Variants in CLEC2D observed in about 807,000 individuals in gnomAD.
CLEC2D encodes the protein C-type lectin domain family 2 member D.
A neutral mutation model predicts 20.0 loss-of-function variants in CLEC2D; 16 were observed. The observed-to-expected ratio is 0.80, with a 90% CI of 0.54 to 1.22. CLEC2D has a LOEUF of 1.22. Ranked by LOEUF, CLEC2D falls within the 50% of genes most tolerant of loss-of-function variation. The pLI is 0.00. For synonymous variants in CLEC2D, 77 were observed against 71.1 expected (o/e 1.08, Z -0.42); for missense variants, 207 against 221.5 (o/e 0.93, Z 0.42).
chr12:9,677,467 T>C (rs1186140369), intron 1 of CLEC2D, among the ~76,000 whole-genome samples: 3 of 152,158 alleles, frequency 2.0e-5, no homozygotes, highest in Non-Finnish European at 4.4e-5. Context: ...TTTATTTACA[T>C]TGTGGTCTGA....
intron 1 of CLEC2D, among the ~76,000 whole-genome samples, chr12:9,674,519 A>G (rs1025907154): frequency 6.6e-6 from 1 of 152,258 alleles, no homozygotes; most frequent in South Asian, 2.1e-4. Context: ...GCTTCAGACC[A>G]GAGCTGTTTC....
intron 2 of CLEC2D, among the ~76,000 whole-genome samples, chr12:9,681,248 G>C (rs775771028): frequency 6.6e-6 from 1 of 152,278 alleles, no homozygotes; most frequent in African/African-American, 2.4e-5. Context: ...AGAGTCTTCA[G>C]AAGGTAGAAG....
At chr12:9,693,966 TG>T in intron 4 of CLEC2D, 1 of 211,460 alleles carries the variant, frequency 4.7e-6, no homozygotes, top group Non-Finnish European at 8.9e-6. Flanking sequence ...CCACCTTGCT[TG>T]GCTTTTTTTT....
rs1226655704 is a variant in CLEC2D at position 9,683,322 on chromosome 12, G to GTTTTTTTTTTTTTTTTTTTTTTTTTTTT, written c.172+2295_172+2296insTTTTTTTTTTTTTTTTTTTTTTTTTTTT. The stretch of plus-strand genomic sequence containing the variant: ...TGCCTGTTCACTCTGATGATAGTTT[G>GTTTTTTTTTTTTTTTTTTTTTTTTTTTT]TTTTTTGTGTTTGTTTTTTTTTTTT... On this transcript the variant is annotated intron_variant, in intron 2 of 4. Transcript: ENST00000290855. Among the ~76,000 whole-genome samples, 2 of 80,880 alleles carry GTTTTTTTTTTTTTTTTTTTTTTTTTTTT rather than the reference G, an allele frequency of 2.5e-5. 1 individual carries two copies. The allele number at this position is 80,880 out of a possible 152,430, so 53.1% of individuals were successfully genotyped here.
intron 1 of CLEC2D, among the ~76,000 whole-genome samples, chr12:9,670,924 T>G (rs1019629300): frequency 1.3e-5 from 2 of 152,184 alleles, no homozygotes; most frequent in African/African-American, 4.8e-5. Context: ...TAGGCATGCA[T>G]AAGTTGAGGG....
At chr12:9,677,043 ATTT>A (rs58691816) in intron 1 of CLEC2D, among the ~76,000 whole-genome samples, 1 of 145,160 alleles carries the variant, frequency 6.9e-6, no homozygotes, top group Non-Finnish European at 1.5e-5. Context: ...AGCCTTATCC[ATTT>A]TTTTTTTTTT....
chr12:9,695,348 T>C lies in CLEC2D; in HGVS notation c.*474T>C. On this transcript the variant is annotated 3_prime_UTR_variant, in exon 5 of 5. Transcript: ENST00000290855. ...GGAGCAGCATTCATTTATCTTCGTCTGCCTTGTCTCCTACCTAAGTGTGTG... is the reference window on the plus strand; with the variant it reads ...GGAGCAGCATTCATTTATCTTCGTCCGCCTTGTCTCCTACCTAAGTGTGTG... 1 of 1,070,662 alleles carries C rather than the reference T, an allele frequency of 9.3e-7. No individual in the cohort carries two copies. Among genetic ancestry groups the C allele is most frequent in the South Asian group, 1.2e-5 (1 of 80,788 alleles). The allele number at this position is 1,070,662 out of a possible 1,614,324, so 66.3% of individuals were successfully genotyped here. A position where few individuals can be genotyped will look rare whatever the true frequency, so the allele number is the denominator to read the frequency against.
At position 9,694,797 on chromosome 12, in the gene CLEC2D, A is replaced by T; in HGVS notation, c.499A>T (p.Asn167Tyr). 1 of 1,612,970 alleles carries T rather than the reference A, an allele frequency of 6.2e-7. No individual in the cohort carries two copies. Among genetic ancestry groups the T allele is most frequent in the South Asian group, 1.1e-5 (1 of 91,056 alleles). Residue 167 changes from asparagine to tyrosine, a missense_variant, in exon 5 of 5, where the codon AAT (asparagine) becomes TAT (tyrosine). Physicochemically the swap from Asn to Tyr is moderately radical, Grantham distance 143 (BLOSUM62 -2). Coordinates refer to ENST00000290855, the MANE Select transcript of CLEC2D (RefSeq NM_013269.6). ...ILGAGECAYL[N>Y]DKGASSARHY... Reference sequence around the variant, plus strand: ...GGGAGCAGGAGAGTGTGCCTATTTGAATGACAAAGGTGCCAGTAGTGCCAG... The same window carrying T: ...GGGAGCAGGAGAGTGTGCCTATTTGTATGACAAAGGTGCCAGTAGTGCCAG...
chr12:9,691,865 A>G (rs909284359), intron 3 of CLEC2D, among the ~76,000 whole-genome samples: 2 of 152,240 alleles, frequency 1.3e-5, no homozygotes, highest in Non-Finnish European at 2.9e-5. Context: ...AAACAAAAAT[A>G]GAAGTCATCT....
In CLEC2D at chr12:9,697,912, ATTC is replaced by A. The variant is rs1011554823; in HGVS notation, c.*3041_*3043del. ...GAAAACTTGATGACAGATTTTAGAT[ATTC>A]TTACCACACAGACAAAAAGAAATGT... On this transcript the variant is annotated 3_prime_UTR_variant, in exon 5 of 5. Coordinates refer to ENST00000290855, the MANE Select transcript of CLEC2D (RefSeq NM_013269.6). The A allele has an allele frequency of 1.3e-5, 2 of 151,056 alleles. No individual in the cohort carries two copies. The highest frequency in any genetic ancestry group is 4.9e-5 in the African/African-American group (2 of 41,100). The allele number at this position is 151,056 out of a possible 1,614,324, so 9.4% of individuals were successfully genotyped here.
intron 1 of CLEC2D, among the ~76,000 whole-genome samples, chr12:9,679,117 AC>A (rs1865582164): frequency 6.6e-6 from 1 of 152,180 alleles, no homozygotes; most frequent in Non-Finnish European, 1.5e-5. Flanking sequence ...ATGTAAGAAT[AC>A]ATAAGCATAT....
chr12:9,691,142 ATAAAC>A (rs999075839), intron 3 of CLEC2D, among the ~76,000 whole-genome samples: 14 of 152,284 alleles, frequency 9.2e-5, no homozygotes, highest in African/African-American at 2.9e-4. Flanking sequence ...GTCAAACAAA[ATAAAC>A]TAAAGTAAAA....
At chr12:9,683,872 A>C (rs984690860) in intron 2 of CLEC2D, among the ~76,000 whole-genome samples, 1 of 145,210 alleles carries the variant, frequency 6.9e-6, no homozygotes, top group Non-Finnish European at 1.5e-5. Flanking sequence ...TTTTGGTTCC[A>C]TATGAAATTT....
At chr12:9,694,398 G>T (rs1276136943) in intron 4 of CLEC2D, among the ~76,000 whole-genome samples, 3 of 152,258 alleles carry the variant, frequency 2.0e-5, no homozygotes, top group Non-Finnish European at 2.9e-5. Context: ...ATCAAGCATG[G>T]TTTTTAGAAA....
intron 1 of CLEC2D, among the ~76,000 whole-genome samples, chr12:9,670,717 T>C (rs1440832922): frequency 2.6e-5 from 4 of 152,226 alleles, no homozygotes. Flanking sequence ...ATATTGATAC[T>C]ATTGTTTTAG....
chr12:9,694,503 T>G (rs2120987005), intron 4 of CLEC2D, among the ~76,000 whole-genome samples: 1 of 152,222 alleles, frequency 6.6e-6, no homozygotes, highest in African/African-American at 2.4e-5. Context: ...AGCTAAGGCT[T>G]TGGATGTACT....
intron 2 of CLEC2D, among the ~76,000 whole-genome samples, chr12:9,686,946 T>TA (rs1230457559): frequency 1.3e-5 from 2 of 152,192 alleles, no homozygotes; most frequent in South Asian, 2.1e-4. Flanking sequence ...CAAGAAACCT[T>TA]ATTCACATAA....
In CLEC2D at chr12:9,699,124, T is replaced by C. The variant is rs775472751; in HGVS notation, c.*4250T>C. 9 of 152,104 alleles carry C rather than the reference T, an allele frequency of 5.9e-5. No individual in the cohort carries two copies. Among genetic ancestry groups the C allele is most frequent in the Admixed American group, 5.9e-4 (9 of 15,268 alleles). 9.4% of individuals were successfully genotyped at this position (152,104 alleles called of 1,614,324 possible). On this transcript the variant is annotated 3_prime_UTR_variant, in exon 5 of 5. Transcript: ENST00000290855. Reference sequence around the variant, plus strand: ...ACCCCATTAAGTTCTCCCCAAATTATTTACTCTTCCCCCAAAATCACCCAC... The same window carrying C: ...ACCCCATTAAGTTCTCCCCAAATTACTTACTCTTCCCCCAAAATCACCCAC...
At chr12:9,683,340 T>G (rs200281149) in intron 2 of CLEC2D, among the ~76,000 whole-genome samples, 8 of 78,104 alleles carry the variant, frequency 1.0e-4, no homozygotes, top group South Asian at 5.6e-4. Context: ...TGTTTGTTTT[T>G]TTTTTTTTTT....
Sources: gnomAD v4.1 joint callset for allele counts (sites outside exome capture counted in the v4.1 genomes callset) on GRCh38, gnomAD v4.1.1 for gene constraint, MANE v1.5 for transcripts, NCBI Gene and HGNC (gene_info 2026-07-23, HGNC 2026-07-21) for gene names.